MORC1: variants seen among roughly 807,000 people sequenced by gnomAD.
MORC1 encodes the protein MORC family CW-type zinc finger protein 1.
Under a neutral mutation model 134.9 loss-of-function variants are expected in MORC1, and 59 were observed. The observed-to-expected ratio is 0.44, with a 90% CI of 0.35 to 0.54. The LOEUF (loss-of-function observed/expected upper bound fraction) is 0.54. MORC1 is among the 20% of genes least tolerant of loss of function. MORC1 has a pLI of 0.00. For missense variants in MORC1, 947 were observed against 1,134.5 expected, an observed-to-expected ratio of 0.83 and a Z score of 2.37; for synonymous variants, 395 against 391.7, an observed-to-expected ratio of 1.01 and a Z score of -0.10.
intron 13 of MORC1, among the ~76,000 whole-genome samples, chr3:109,055,668 A>G (rs1272755868): frequency 1.3e-5 from 2 of 152,180 alleles, no homozygotes; most frequent in African/African-American, 2.4e-5. Flanking sequence ...CTCTAACATA[A>G]CATTCATTCA....
intron 22 of MORC1, among the ~76,000 whole-genome samples, chr3:108,985,732 T>C (rs543035983): frequency 1.3e-5 from 2 of 152,344 alleles, no homozygotes; most frequent in African/African-American, 4.8e-5. Context: ...GATGAGTATT[T>C]AAAATTAAAT....
chr3:109,044,817 C>T (rs577636212), intron 14 of MORC1, among the ~76,000 whole-genome samples: 2 of 148,196 alleles, frequency 1.3e-5, no homozygotes, highest in African/African-American at 4.9e-5. Flanking sequence ...TGGTGGCGGG[C>T]ATCTGTAATC....
At chr3:109,072,962 CACAT>C (rs199659755) in intron 8 of MORC1, among the ~76,000 whole-genome samples, 2,691 of 18,512 alleles carry the variant, frequency 0.15, 32 homozygotes, top group Middle Eastern at 0.24. Flanking sequence ...CACACACACA[CACAT>C]ACACACACAC....
chr3:109,008,051 G>A (rs1340635619), intron 17 of MORC1, among the ~76,000 whole-genome samples: 1 of 152,036 alleles, frequency 6.6e-6, no homozygotes, highest in African/African-American at 2.4e-5. Flanking sequence ...GTTGAATCGT[G>A]CCTTTTCATC....
Position 109,020,594 on chromosome 3 carries a change from G to A in MORC1, c.1704+7157C>T, listed in dbSNP as rs534498160. On this transcript the variant is annotated intron_variant, in intron 17 of 27. Transcript: ENST00000232603. ...ATCCTGGCTAACACGGTGAAACCCC[G>A]TCTCTACTAAAAATACAAAAAATTA... is the stretch of plus-strand genomic sequence containing the variant. Among the ~76,000 whole-genome samples the A allele has an allele frequency of 2.8e-3, 433 of 151,978 alleles. 7 individuals are homozygous for A. The highest frequency in any genetic ancestry group is 0.01 in the African/African-American group (415 of 41,426).
At chr3:109,000,427 T>C in intron 21 of MORC1, 130 bp downstream of exon 21, 1 of 655,844 alleles carries the variant, frequency 1.5e-6, no homozygotes, top group South Asian at 2.7e-5. Flanking sequence ...CTTTTCTGAG[T>C]CTTATTTCTT....
At chr3:109,035,676 A>C (rs1451537106) in intron 14 of MORC1, among the ~76,000 whole-genome samples, 1 of 152,128 alleles carries the variant, frequency 6.6e-6, no homozygotes, top group Non-Finnish European at 1.5e-5. Flanking sequence ...GTCTTTTTAC[A>C]TTTTCCAAAT....
intron 8 of MORC1, among the ~76,000 whole-genome samples, chr3:109,075,358 G>T (rs181598201): frequency 6.6e-6 from 1 of 152,190 alleles, no homozygotes. Flanking sequence ...ATTATTAAAA[G>T]TTAAGAGAAA....
chr3:109,027,850 G>T lies in MORC1; in HGVS notation c.1605C>A (p.Gly535=), dbSNP rs766628604. The T allele has an allele frequency of 1.2e-6, 2 of 1,613,628 alleles. No individual in the cohort carries two copies. Among genetic ancestry groups the T allele is most frequent in the Admixed American group, 3.3e-5 (2 of 59,958 alleles). The change falls in exon 17 of 28, where the codon GGC becomes GGA. Residue 535 remains glycine, a synonymous_variant. Coordinates refer to ENST00000232603, the MANE Select transcript of MORC1 (RefSeq NM_014429.4). ...TTGATGGTGATATTGTGCTCATGGT[G>T]CCCAGTGGGATGGAAGGTAGACATT... The part of the protein sequence containing the change: ...QVECLPSIPL[G]TMSTISPSKN...
chr3:109,095,810 G>A (rs559736688), intron 6 of MORC1, among the ~76,000 whole-genome samples: 1 of 151,982 alleles, frequency 6.6e-6, no homozygotes, highest in Non-Finnish European at 1.5e-5. Context: ...AAGACACAAA[G>A]ACAATTACAT....
In MORC1 at chr3:109,005,151, A is replaced by C; in HGVS notation, c.1932T>G (p.Ser644=). The C allele has an allele frequency of 6.2e-7, 1 of 1,613,900 alleles. No homozygotes were observed. Among genetic ancestry groups the C allele is most frequent in the Non-Finnish European group, 8.5e-7 (1 of 1,179,954 alleles). The part of the protein sequence containing the change: ...YISETKIMKK[S]MEEKMNSQQQ... ...GTTGAGAGTTCATTTTCTCCTCCAT[A>C]GACTTTTTCATAATTTTTGTTTCTG... Residue 644 remains serine (S), a synonymous_variant, in exon 19 of 28, where the codon TCT becomes TCG. Transcript: ENST00000232603.
chr3:109,013,669 A>C (rs1265759732), intron 17 of MORC1, among the ~76,000 whole-genome samples: 2 of 152,114 alleles, frequency 1.3e-5, no homozygotes, highest in African/African-American at 2.4e-5. Flanking sequence ...CTCCTGCATC[A>C]TCTTGATTGC....
chr3:108,987,542 G>T (rs12488807), intron 21 of MORC1, among the ~76,000 whole-genome samples: 2 of 152,134 alleles, frequency 1.3e-5, no homozygotes, highest in South Asian at 2.1e-4. Context: ...CAGAGCCTTA[G>T]TGTGTTGATT....
intron 13 of MORC1, among the ~76,000 whole-genome samples, chr3:109,056,638 T>C (rs1296321925): frequency 3.3e-5 from 5 of 152,240 alleles, no homozygotes; most frequent in African/African-American, 1.2e-4. Context: ...AAAGGAGCAT[T>C]TATCAGCAGA....
chr3:109,025,957 C>A (rs1416422649), intron 17 of MORC1, among the ~76,000 whole-genome samples: 1 of 152,114 alleles, frequency 6.6e-6, no homozygotes, highest in Admixed American at 6.5e-5. Flanking sequence ...ACCAACACTA[C>A]CCCTGCTCTC....
intron 9 of MORC1, among the ~76,000 whole-genome samples, chr3:109,067,039 A>C (rs1302690506): frequency 6.6e-6 from 1 of 152,180 alleles, no homozygotes. Context: ...TAGCATATGG[A>C]AAGCATCCCT....
intron 17 of MORC1, among the ~76,000 whole-genome samples, chr3:109,007,965 A>G (rs1469874420): frequency 7.6e-6 from 1 of 131,256 alleles, no homozygotes; most frequent in Non-Finnish European, 1.8e-5. Flanking sequence ...GTGTGTGTGT[A>G]TACATATATA....
chr3:108,971,072 G>A (rs560930317), intron 25 of MORC1, among the ~76,000 whole-genome samples: 1 of 152,298 alleles, frequency 6.6e-6, no homozygotes, highest in South Asian at 2.1e-4. Flanking sequence ...GTGGGGGAGA[G>A]AGAAGTCAGG....
intron 2 of MORC1, among the ~76,000 whole-genome samples, chr3:109,112,578 G>A (rs1273808665): frequency 1.3e-5 from 2 of 152,210 alleles, no homozygotes; most frequent in African/African-American, 2.4e-5. Context: ...AACTGGAAAT[G>A]AGGCAAAGCT....
Sources: allele counts gnomAD v4.1 joint callset (sites outside exome capture counted in the v4.1 genomes callset), GRCh38; gene constraint gnomAD v4.1.1; transcripts MANE v1.5; gene names NCBI Gene and HGNC (gene_info 2026-07-23, HGNC 2026-07-21).